The following RALGPS2 variants were observed in gnomAD, a reference collection of about 807,000 sequenced individuals.
RALGPS2 encodes the protein ras-specific guanine nucleotide-releasing factor RalGPS2.
RALGPS2 carries 43 observed loss-of-function variants against 86.8 expected under a neutral mutation model. The ratio of observed to expected loss-of-function variants is 0.50; its 90% CI spans 0.39 to 0.64. RALGPS2 has a LOEUF of 0.64. Among genes scored for constraint, RALGPS2 ranks in the 30% least tolerant of loss-of-function variants. The pLI is 0.00. For missense variants in RALGPS2, 536 were observed against 694.6 expected (o/e 0.77, Z 2.57); for synonymous variants, 243 against 231.3 (o/e 1.05, Z -0.46).
At chr1:178,913,704 G>A (rs186450992) in intron 19 of RALGPS2, among the ~76,000 whole-genome samples, 21 of 152,224 alleles carry the variant, frequency 1.4e-4, no homozygotes, top group Admixed American at 3.3e-4. Context: ...GTATAAGTTG[G>A]GTATAGTCAA....
At chr1:178,829,893 C>T (rs1016478257) in intron 7 of RALGPS2, among the ~76,000 whole-genome samples, 3 of 151,946 alleles carry the variant, frequency 2.0e-5, no homozygotes, top group Non-Finnish European at 4.4e-5. Flanking sequence ...TACAGGCGCC[C>T]ACCATTTTGC....
chr1:178,783,459 G>A (rs1653493408), intron 2 of RALGPS2, among the ~76,000 whole-genome samples: 1 of 152,172 alleles, frequency 6.6e-6, no homozygotes, highest in South Asian at 2.1e-4. Flanking sequence ...AGTAATAATA[G>A]TTGAGAATTT....
intron 2 of RALGPS2, among the ~76,000 whole-genome samples, chr1:178,777,514 A>C (rs1480029304): frequency 6.6e-6 from 1 of 151,534 alleles, no homozygotes; most frequent in African/African-American, 2.4e-5. Flanking sequence ...GCTACCAATG[A>C]CTTTCTTCAC....
At chr1:178,845,989 G>T (rs1156269033) in intron 8 of RALGPS2, among the ~76,000 whole-genome samples, 1 of 152,084 alleles carries the variant, frequency 6.6e-6, no homozygotes, top group Admixed American at 6.6e-5. Context: ...GAATCTTACC[G>T]ATTTGGTTTT....
chr1:178,827,062 T>A (rs1489380560), intron 7 of RALGPS2, among the ~76,000 whole-genome samples: 1 of 152,190 alleles, frequency 6.6e-6, no homozygotes, highest in South Asian at 2.1e-4. Flanking sequence ...TTTCTGTACA[T>A]TAATAACGAA....
chr1:178,744,918 G>T (rs1263759293), intron 1 of RALGPS2, among the ~76,000 whole-genome samples: 4 of 151,958 alleles, frequency 2.6e-5, no homozygotes, highest in Non-Finnish European at 5.9e-5. Flanking sequence ...TAGAAAATCT[G>T]ATGGAACTTG....
intron 10 of RALGPS2, chr1:178,879,790 A>G (rs1195553489): frequency 3.8e-5 from 2 of 53,210 alleles, no homozygotes; most frequent in Non-Finnish European, 7.7e-5. Context: ...ACTCCGTCTA[A>G]AAAAAAAAAA....
At chr1:178,747,970 T>G (rs1401173787) in intron 1 of RALGPS2, among the ~76,000 whole-genome samples, 1 of 152,240 alleles carries the variant, frequency 6.6e-6, no homozygotes, top group African/African-American at 2.4e-5. Flanking sequence ...TACTTTGCTT[T>G]TAGGACTGTA....
chr1:178,810,583 CT>C (rs1366115251), intron 5 of RALGPS2, among the ~76,000 whole-genome samples: 1 of 147,128 alleles, frequency 6.8e-6, no homozygotes, highest in Non-Finnish European at 1.5e-5. Flanking sequence ...AGGATTATTA[CT>C]TTTAGTAGCC....
chr1:178,747,246 C>T (rs1651389388), intron 1 of RALGPS2: 2 of 1,490,528 alleles, frequency 1.3e-6, no homozygotes, highest in Non-Finnish European at 1.9e-6. Context: ...GAGCCAGATT[C>T]TCTCACTTTA....
intron 4 of RALGPS2, among the ~76,000 whole-genome samples, chr1:178,791,865 T>C (rs1653971344): frequency 6.6e-6 from 1 of 152,240 alleles, no homozygotes; most frequent in Admixed American, 6.5e-5. Flanking sequence ...TCTGTTGTAC[T>C]ATATATCTCA....
chr1:178,892,454 A>G (rs964922571), intron 15 of RALGPS2, 147 bp downstream of exon 15: 3 of 653,372 alleles, frequency 4.6e-6, no homozygotes, highest in Admixed American at 2.9e-5. Flanking sequence ...CTTTCTTTCC[A>G]AGATCTAATA....
chr1:178,821,888 G>A (rs1655524702), intron 7 of RALGPS2, among the ~76,000 whole-genome samples, 184 bp downstream of exon 7: 2 of 152,048 alleles, frequency 1.3e-5, no homozygotes, highest in South Asian at 4.1e-4. Context: ...TGGGTATAAG[G>A]TAATTTTTGG....
chr1:178,749,121 T>C (rs6425500), intron 1 of RALGPS2, among the ~76,000 whole-genome samples: 6,506 of 152,258 alleles, frequency 0.043, 488 homozygotes, highest in African/African-American at 0.15. Context: ...CCATTTAGTC[T>C]GTCACGTAAT....
chr1:178,800,742 GCCCCTAA>G (rs1182583619), intron 4 of RALGPS2, among the ~76,000 whole-genome samples: 1 of 152,036 alleles, frequency 6.6e-6, no homozygotes, highest in East Asian at 1.9e-4. Flanking sequence ...GAGGGTCAGT[GCCCCTAA>G]CCCCTGAGTT....
chr1:178,827,586 G>A (rs1053262808), intron 7 of RALGPS2, among the ~76,000 whole-genome samples: 7 of 151,570 alleles, frequency 4.6e-5, no homozygotes, highest in South Asian at 2.1e-4. Flanking sequence ...TAGTAGAGAC[G>A]GGGTTTCACC....
At chr1:178,753,449 T>G (rs533374781) in intron 1 of RALGPS2, among the ~76,000 whole-genome samples, 6 of 152,136 alleles carry the variant, frequency 3.9e-5, no homozygotes, top group Non-Finnish European at 8.8e-5. Flanking sequence ...TCCTAAATAA[T>G]ATTCATCTGT....
Position 178,885,950 on chromosome 1 carries a change from C to T in RALGPS2, c.1041-19C>T. 6.4e-7 allele frequency: 1 copy of T among 1,556,098 alleles called. No homozygotes were observed. On this transcript the variant is annotated intron_variant, in intron 12 of 19. Coordinates refer to ENST00000367635, the MANE Select transcript of RALGPS2 (RefSeq NM_152663.5). ...TAGTAACAATAATAAAAGATATGAA[C>T]TTTTTTTTCTGTTTCTAGTTTCATT...
At chr1:178,742,273 A>T (rs975782029) in intron 1 of RALGPS2, among the ~76,000 whole-genome samples, 1 of 152,160 alleles carries the variant, frequency 6.6e-6, no homozygotes, top group African/African-American at 2.4e-5. Flanking sequence ...ATGGAAAAAG[A>T]TACACCATGC....
Sources: allele counts gnomAD v4.1 joint callset (sites outside exome capture counted in the v4.1 genomes callset), GRCh38; gene constraint gnomAD v4.1.1; transcripts MANE v1.5; gene names NCBI Gene and HGNC (gene_info 2026-07-23, HGNC 2026-07-21).